PRICKLE1: variants seen among roughly 807,000 people sequenced by gnomAD.
PRICKLE1 encodes the protein prickle planar cell polarity protein 1.
A neutral mutation model predicts 70.2 loss-of-function variants in PRICKLE1; 14 were observed. The ratio of observed to expected loss-of-function variants is 0.20; its 90% CI spans 0.13 to 0.31. The LOEUF is 0.31. PRICKLE1 is among the 10% of genes least tolerant of loss of function. The probability of loss-of-function intolerance (pLI) is 1.00; values close to 1 mark genes in which losing one functional copy is unlikely to be tolerated. For synonymous variants in PRICKLE1, 357 were observed against 379.9 expected (o/e 0.94, Z 0.70); for missense variants, 821 against 1,026.2 (o/e 0.80, Z 2.73).
intron 1 of PRICKLE1, among the ~76,000 whole-genome samples, chr12:42,587,797 C>T (rs903028909): frequency 6.6e-6 from 1 of 152,234 alleles, no homozygotes; most frequent in Non-Finnish European, 1.5e-5. Context: ...AGTTTAAAAT[C>T]CCCTGGTGGG....
intron 1 of PRICKLE1, among the ~76,000 whole-genome samples, chr12:42,556,789 G>A (rs1940419125): frequency 6.6e-6 from 1 of 152,084 alleles, no homozygotes; most frequent in African/African-American, 2.4e-5. Context: ...GATTAAAATG[G>A]ATAATGCAAA....
intron 1 of PRICKLE1, among the ~76,000 whole-genome samples, chr12:42,571,364 T>C (rs1257816307): frequency 6.6e-6 from 1 of 151,102 alleles, no homozygotes; most frequent in East Asian, 2.1e-4. Flanking sequence ...ATTACAGGCT[T>C]TGTCTCCTCC....
At chr12:42,476,181 T>G (rs557278859) in intron 1 of PRICKLE1, among the ~76,000 whole-genome samples, 46 of 145,692 alleles carry the variant, frequency 3.2e-4, no homozygotes, top group Non-Finnish European at 5.0e-4. Flanking sequence ...AGCAACTTCT[T>G]TTTTCTTTTT....
chr12:42,497,276 T>G lies in PRICKLE1; in HGVS notation c.-48-24712A>C, dbSNP rs528923085. On this transcript the variant is annotated intron_variant, in intron 1 of 7. Coordinates refer to ENST00000345127, the MANE Select transcript of PRICKLE1 (RefSeq NM_153026.3). Reference sequence around the variant, plus strand: ...AACATTTATCGATGGCCGGGCGTGGTGGCTCACGCCTGTAATTCCAGCACT... The same window carrying G: ...AACATTTATCGATGGCCGGGCGTGGGGGCTCACGCCTGTAATTCCAGCACT... 2.2e-3 allele frequency among the ~76,000 whole-genome samples: 340 copies of G among 152,260 alleles called. 1 individual carries two copies. Among genetic ancestry groups the G allele is most frequent in the Non-Finnish European group, 4.0e-3 (271 of 68,008 alleles).
intron 1 of PRICKLE1, among the ~76,000 whole-genome samples, chr12:42,532,893 T>TG (rs1939946054): frequency 6.8e-5 from 2 of 29,216 alleles, no homozygotes; most frequent in Non-Finnish European, 9.8e-5. Context: ...AGACTCCGTC[T>TG]CAAAAAAAAA....
chr12:42,567,532 G>A (rs542841358), intron 1 of PRICKLE1, among the ~76,000 whole-genome samples: 6 of 152,262 alleles, frequency 3.9e-5, no homozygotes, highest in African/African-American at 1.2e-4. Context: ...AAGATAAGAA[G>A]TATAAGCATT....
At chr12:42,559,298 C>A (rs907932466) in intron 1 of PRICKLE1, among the ~76,000 whole-genome samples, 1 of 152,140 alleles carries the variant, frequency 6.6e-6, no homozygotes, top group Middle Eastern at 3.2e-3. Flanking sequence ...CTTAACTGCA[C>A]CTTCCTAATT....
chr12:42,462,393 G>A (rs939471847), intron 7 of PRICKLE1, among the ~76,000 whole-genome samples: 7 of 152,036 alleles, frequency 4.6e-5, no homozygotes, highest in African/African-American at 1.7e-4. Flanking sequence ...TAGAGACAGG[G>A]TTTTGCTATG....
At position 42,563,528 on chromosome 12, in the gene PRICKLE1, T is replaced by C. The variant is rs556701618; in HGVS notation, c.-49+25937A>G. 2.7e-5 allele frequency among the ~76,000 whole-genome samples: 4 copies of C among 149,644 alleles called. No homozygotes were observed. The South Asian group carries it at 8.5e-4, about 32-fold the overall frequency. Reference sequence around the variant, plus strand: ...TCCTGGCTAACACAGTGAAACCCCGTCTCTACTAAAAAAAAATACAAAAAA... The same window carrying C: ...TCCTGGCTAACACAGTGAAACCCCGCCTCTACTAAAAAAAAATACAAAAAA... On this transcript the variant is annotated intron_variant, in intron 1 of 7. Transcript: ENST00000345127.
At chr12:42,527,126 C>CTTTTTTTTTTT (rs1566113854) in intron 1 of PRICKLE1, among the ~76,000 whole-genome samples, 1 of 90,936 alleles carries the variant, frequency 1.1e-5, no homozygotes. Flanking sequence ...TTTTTTTTTC[C>CTTTTTTTTTTT]TCTTTTTTTT....
chr12:42,556,923 A>T (rs1256118483), intron 1 of PRICKLE1, among the ~76,000 whole-genome samples: 1 of 152,202 alleles, frequency 6.6e-6, no homozygotes, highest in Admixed American at 6.5e-5. Flanking sequence ...CCCTGCCTTC[A>T]GAGTTTATGG....
chr12:42,465,310 C>T (rs762631727), intron 6 of PRICKLE1, 52 bp from the exon 7 acceptor site: 1 of 1,584,150 alleles, frequency 6.3e-7, no homozygotes, highest in Non-Finnish European at 8.7e-7. Context: ...ATGCCTGAAA[C>T]AAGGTATAAG....
At chr12:42,580,773 T>C (rs1201359743) in intron 1 of PRICKLE1, among the ~76,000 whole-genome samples, 1 of 152,172 alleles carries the variant, frequency 6.6e-6, no homozygotes, top group Non-Finnish European at 1.5e-5. Context: ...AACATAGATC[T>C]TCATTTCCAG....
chr12:42,487,798 C>A (rs1015542261), intron 1 of PRICKLE1, among the ~76,000 whole-genome samples: 9 of 152,180 alleles, frequency 5.9e-5, no homozygotes, highest in African/African-American at 1.9e-4. Context: ...ATAATCCCGG[C>A]ACTTTGGGAG....
intron 1 of PRICKLE1, among the ~76,000 whole-genome samples, chr12:42,537,753 A>G (rs79478948): frequency 0.019 from 2,945 of 152,300 alleles, 81 homozygotes; most frequent in East Asian, 0.12. Flanking sequence ...TACTTGGTAA[A>G]TTCAACTTTT....
chr12:42,565,938 G>A (rs1198634176), intron 1 of PRICKLE1, among the ~76,000 whole-genome samples: 1 of 152,138 alleles, frequency 6.6e-6, no homozygotes, highest in South Asian at 2.1e-4. Context: ...ACAAGGAACC[G>A]GGGATCAGAG....
At chr12:42,545,856 G>GA (rs71281675) in intron 1 of PRICKLE1, among the ~76,000 whole-genome samples, 10,788 of 94,608 alleles carry the variant, frequency 0.11, 585 homozygotes, top group South Asian at 0.17. Flanking sequence ...TCTCAAAAAA[G>GA]AAAAAAAAAA....
intron 1 of PRICKLE1, chr12:42,584,421 G>T (rs898930530): frequency 6.6e-6 from 1 of 152,076 alleles, no homozygotes; most frequent in African/African-American, 2.4e-5. Context: ...TGCTATAAAT[G>T]TTTCTTTAAA....
chr12:42,556,101 A>AC (rs1169737736), intron 1 of PRICKLE1, among the ~76,000 whole-genome samples: 1 of 152,208 alleles, frequency 6.6e-6, no homozygotes, highest in African/African-American at 2.4e-5. Flanking sequence ...CCTATTGATT[A>AC]TGTGCAAGTG....
Sources: gnomAD v4.1 joint callset for allele counts (sites outside exome capture counted in the v4.1 genomes callset) on GRCh38, gnomAD v4.1.1 for gene constraint, MANE v1.5 for transcripts, NCBI Gene and HGNC (gene_info 2026-07-23, HGNC 2026-07-21) for gene names.